The following AAK1 variants were observed in gnomAD, a reference collection of about 807,000 sequenced individuals.
AAK1 encodes AP2 associated kinase 1, also known as AP2-associated protein kinase 1.
Under a neutral mutation model 116.0 loss-of-function variants are expected in AAK1, and 37 were observed. That is an observed-to-expected ratio of 0.32 (90% CI 0.25 to 0.42). AAK1 has a LOEUF of 0.42. AAK1 is among the 10% of genes least tolerant of loss of function. The probability of loss-of-function intolerance (pLI) is 1.00; values close to 1 mark genes in which losing one functional copy is unlikely to be tolerated. For synonymous variants in AAK1, 458 were observed against 439.9 expected (o/e 1.04, Z -0.51); for missense variants, 919 against 1,170.6 (o/e 0.79, Z 3.14).
intron 2 of AAK1, among the ~76,000 whole-genome samples, chr2:69,594,491 ACC>A (rs1047861953): frequency 3.3e-5 from 5 of 152,202 alleles, no homozygotes; most frequent in African/African-American, 1.2e-4. Flanking sequence ...TTTATACTTA[ACC>A]ACATGACAGA....
chr2:69,609,572 G>A (rs1270003701), intron 2 of AAK1, among the ~76,000 whole-genome samples: 1 of 151,988 alleles, frequency 6.6e-6, no homozygotes, highest in African/African-American at 2.4e-5. Flanking sequence ...GCTGAGGCAG[G>A]AGAATCATTT....
intron 16 of AAK1, among the ~76,000 whole-genome samples, chr2:69,505,125 GCACACACACCCACA>G (rs974744644): frequency 9.3e-6 from 1 of 108,040 alleles, no homozygotes; most frequent in African/African-American, 4.0e-5. Flanking sequence ...GTGCGTGTGC[GCACACACACCCACA>G]CACACACACA....
chr2:69,591,925 A>G (rs1673052316), intron 2 of AAK1, among the ~76,000 whole-genome samples: 1 of 152,164 alleles, frequency 6.6e-6, no homozygotes, highest in South Asian at 2.1e-4. Flanking sequence ...TTAAATTGGA[A>G]AGTTGGAACA....
At chr2:69,542,095 C>T (rs2105051530) in intron 5 of AAK1, among the ~76,000 whole-genome samples, 1 of 152,160 alleles carries the variant, frequency 6.6e-6, no homozygotes, top group South Asian at 2.1e-4. Flanking sequence ...TGTCAAGTGA[C>T]TACAATATGA....
chr2:69,526,256 T>C (rs1288216282), intron 9 of AAK1, among the ~76,000 whole-genome samples: 1 of 152,140 alleles, frequency 6.6e-6, no homozygotes, highest in African/African-American at 2.4e-5. Context: ...TCAAGCTTAT[T>C]AGTAATAAAG....
At chr2:69,510,757 C>T (rs1344397539) in intron 13 of AAK1, among the ~76,000 whole-genome samples, 1 of 152,094 alleles carries the variant, frequency 6.6e-6, no homozygotes, top group Non-Finnish European at 1.5e-5. Flanking sequence ...TCTGTGGCAA[C>T]TCCTAAGAAA....
At chr2:69,497,947 C>G (rs936733490) in intron 16 of AAK1, among the ~76,000 whole-genome samples, 2 of 152,148 alleles carry the variant, frequency 1.3e-5, no homozygotes, top group African/African-American at 4.8e-5. Flanking sequence ...TTCTTCTCCC[C>G]TCAGTGCCGA....
rs1674486829 is a variant in AAK1 at position 69,466,378 on chromosome 2, A to G, written c.*9491T>C. 1 of 1,289,674 alleles carries G rather than the reference A, an allele frequency of 7.8e-7. No individual in the cohort carries two copies. The allele number at this position is 1,289,674 out of a possible 1,614,324, so 79.9% of individuals were successfully genotyped here. A position where few individuals can be genotyped will look rare whatever the true frequency, so the allele number is the denominator to read the frequency against. ...CCTTCCTCTTCGCTGCTGTGGAATG[A>G]GCTGTTGCTTGAAGGGCCATCTCTG... On this transcript the variant is annotated 3_prime_UTR_variant, in exon 22 of 22. Coordinates refer to ENST00000409085, the MANE Select transcript of AAK1 (RefSeq NM_014911.5).
At chr2:69,507,849 G>C (rs879705727) in intron 14 of AAK1, among the ~76,000 whole-genome samples, 3 of 152,042 alleles carry the variant, frequency 2.0e-5, no homozygotes, top group Admixed American at 1.3e-4. Flanking sequence ...TGGGATTACA[G>C]GCGCATGCCA....
chr2:69,496,709 C>G (rs968301680), intron 16 of AAK1, among the ~76,000 whole-genome samples: 1 of 152,134 alleles, frequency 6.6e-6, no homozygotes, highest in Non-Finnish European at 1.5e-5. Context: ...GTCCATATCA[C>G]ACATTTTAGC....
intron 10 of AAK1, among the ~76,000 whole-genome samples, chr2:69,523,983 C>T (rs1669903924): frequency 6.6e-6 from 1 of 152,262 alleles, no homozygotes; most frequent in Non-Finnish European, 1.5e-5. Context: ...GGCTCCCTCC[C>T]TGTTTTCCCT....
rs899589172 is a variant in AAK1 at position 69,466,551 on chromosome 2, T to C, written c.*9318A>G. The C allele has an allele frequency of 8.4e-7, 1 of 1,183,540 alleles. No individual in the cohort carries two copies. The highest frequency in any genetic ancestry group is 3.7e-5 in the Admixed American group (1 of 27,102). 73.3% of individuals were successfully genotyped at this position (1,183,540 alleles called of 1,614,324 possible). On this transcript the variant is annotated 3_prime_UTR_variant, in exon 22 of 22. Coordinates refer to ENST00000409085, the MANE Select transcript of AAK1 (RefSeq NM_014911.5). ...ACAGGGATTGGACTCCCTCTGGAGA[T>C]CTAGAAAAGCATAAAATGCAGAATT...
chr2:69,587,935 A>T (rs1375665983), intron 2 of AAK1, among the ~76,000 whole-genome samples: 4 of 151,020 alleles, frequency 2.6e-5, no homozygotes, highest in South Asian at 2.1e-4. Flanking sequence ...TCTTTTTTTT[A>T]AATTTTTTGT....
At chr2:69,478,837 AG>A (rs1390589964) in intron 20 of AAK1, 113 bp downstream of exon 20, 1 of 772,130 alleles carries the variant, frequency 1.3e-6, no homozygotes, top group Non-Finnish European at 2.2e-6. Context: ...CCATACAAGG[AG>A]GTAGTTTTAA....
At chr2:69,640,014 AACACACACAC>A (rs376034914) in intron 2 of AAK1, among the ~76,000 whole-genome samples, 134 of 103,760 alleles carry the variant, frequency 1.3e-3, no homozygotes, top group Non-Finnish European at 2.0e-3. Context: ...ACTCCCCTTT[AACACACACAC>A]ACACACACAC....
rs1017521912 is a variant in AAK1, at chr2:69,594,836, T to C, written c.164-37858A>G. ...GCCAGCATTCTCTTAGACCTGCAGT[T>C]GGGCTCAACGCACTCAAGCCTTAGC... On this transcript the variant is annotated intron_variant, in intron 2 of 21. Coordinates refer to ENST00000409085, the MANE Select transcript of AAK1 (RefSeq NM_014911.5). The C allele has an allele frequency of 9.0e-6, 14 of 1,550,918 alleles. No homozygotes were observed. In the Admixed American group the frequency reaches 1.7e-4, roughly 19 times the overall value.
At chr2:69,485,653 ATC>A (rs762541181) in intron 17 of AAK1, among the ~76,000 whole-genome samples, 6 of 149,316 alleles carry the variant, frequency 4.0e-5, no homozygotes, top group Admixed American at 6.7e-5. Flanking sequence ...ATTGAAGAAA[ATC>A]TCTCTTTTTT....
chr2:69,568,671 G>T (rs1671976452), intron 2 of AAK1, among the ~76,000 whole-genome samples: 1 of 152,006 alleles, frequency 6.6e-6, no homozygotes, highest in African/African-American at 2.4e-5. Flanking sequence ...GGTTTCCTTA[G>T]AACTGGTCTC....
chr2:69,478,785 G>A, intron 20 of AAK1, 166 bp downstream of exon 20: 1 of 586,788 alleles, frequency 1.7e-6, no homozygotes, highest in Non-Finnish European at 3.0e-6. Context: ...TATTCTCACT[G>A]AGAGGTATTA....
Sources: gnomAD v4.1 joint callset for allele counts (sites outside exome capture counted in the v4.1 genomes callset) on GRCh38, gnomAD v4.1.1 for gene constraint, MANE v1.5 for transcripts, NCBI Gene and HGNC (gene_info 2026-07-23, HGNC 2026-07-21) for gene names.